The following TPR variants were observed in gnomAD, a reference collection of about 807,000 sequenced individuals.
The protein encoded by TPR is translocated promoter region, nuclear basket protein, also known as nucleoprotein TPR.
Under a neutral mutation model 316.1 loss-of-function variants are expected in TPR, and 51 were observed. The ratio of observed to expected loss-of-function variants is 0.16; its 90% CI spans 0.13 to 0.20. The LOEUF (loss-of-function observed/expected upper bound fraction) is 0.20, where lower values mean the gene tolerates loss of function less well. Ranked by LOEUF, TPR falls within the 10% of genes least tolerant of loss-of-function variation. TPR has a pLI of 1.00. For synonymous variants in TPR, 981 were observed against 914.7 expected (o/e 1.07, Z -1.31); for missense variants, 2,272 against 2,754.8 (o/e 0.82, Z 3.92).
At chr1:186,339,533 C>A in intron 30 of TPR, 109 bp downstream of exon 30, 1 of 916,814 alleles carries the variant, frequency 1.1e-6, no homozygotes, top group East Asian at 3.1e-5. Context: ...GGTGCTCTAG[C>A]ACTTTCCATT....
In TPR at chr1:186,374,973, T is replaced by C. The variant is rs751592913; in HGVS notation, c.56A>G (p.Lys19Arg). The C allele has an allele frequency of 9.3e-6, 15 of 1,614,124 alleles. No homozygotes were observed. In the South Asian group the frequency reaches 9.9e-5, roughly 11 times the overall value. ...CTTTTCAAGTTTGTTCTGGACAGACTTGGGCAGCTTGTTCAGCTCCGTGCG... is the reference window on the plus strand; with the variant it reads ...CTTTTCAAGTTTGTTCTGGACAGACCTGGGCAGCTTGTTCAGCTCCGTGCG... ...LERTELNKLPKSVQNKLEKFL... is the reference protein window; with the variant it reads ...LERTELNKLPRSVQNKLEKFL... The change falls in exon 1 of 51, where the codon AAG (lysine) becomes AGG (arginine). Residue 19 changes from lysine (K) to arginine (R), a missense_variant. Lys to Arg is a conservative substitution (Grantham distance 26, BLOSUM62 2). Coordinates refer to ENST00000367478, the MANE Select transcript of TPR (RefSeq NM_003292.3).
intron 49 of TPR, among the ~76,000 whole-genome samples, chr1:186,316,021 A>G (rs1657601885): frequency 6.6e-6 from 1 of 151,512 alleles, no homozygotes; most frequent in African/African-American, 2.4e-5. Context: ...AGATGGGGGA[A>G]GTACAGTTTT....
At position 186,347,208 on chromosome 1, in the gene TPR, C is replaced by T. The variant is rs1456759466; in HGVS notation, c.2943+84G>A. 1.5e-5 allele frequency: 22 copies of T among 1,448,388 alleles called. No individual in the cohort carries two copies. The Admixed American group carries it at 2.7e-4, about 18-fold the overall frequency. The allele number at this position is 1,448,388 out of a possible 1,614,324, so 89.7% of individuals were successfully genotyped here. ...GACCCTGGTCTAATTCATACGAGTG[C>T]CTTAAAAAAGCAGTCCTCTAGTTAC... is the stretch of plus-strand genomic sequence containing the variant. On this transcript the variant is annotated intron_variant, in intron 22 of 50. Transcript: ENST00000367478.
intron 18 of TPR, among the ~76,000 whole-genome samples, chr1:186,352,767 G>C (rs2101976589): frequency 6.6e-6 from 1 of 152,200 alleles, no homozygotes; most frequent in East Asian, 1.9e-4. Flanking sequence ...TAAGACATGG[G>C]TTCAAGTCCT....
intron 27 of TPR, 80 bp downstream of exon 27, chr1:186,343,246 A>G: frequency 6.7e-7 from 1 of 1,500,434 alleles, no homozygotes; most frequent in Non-Finnish European, 8.9e-7. Flanking sequence ...TAAATTTTAC[A>G]TTACGTTAAA....
At position 186,362,998 on chromosome 1, in the gene TPR, G is replaced by C; in HGVS notation, c.535C>G (p.Arg179Gly). The C allele has an allele frequency of 1.3e-6, 2 of 1,594,554 alleles. No individual in the cohort carries two copies. Among genetic ancestry groups the C allele is most frequent in the Non-Finnish European group, 1.7e-6 (2 of 1,175,816 alleles). Reference sequence around the variant, plus strand: ...TTTTCTTGCTCCAAGCGTTTTTCTCGATACTAAAGAAATCCAAGAAAATAA... The same window carrying C: ...TTTTCTTGCTCCAAGCGTTTTTCTCCATACTAAAGAAATCCAAGAAAATAA... ...LQASDVSVKY[R>G]EKRLEQEKEL... is the part of the protein sequence containing the mutation. The change falls in exon 6 of 51, where the codon CGA becomes GGA. Residue 179 changes from arginine (R) to glycine (G), a missense_variant. Arg to Gly is a moderately radical substitution (Grantham distance 125, BLOSUM62 -2). Around this residue, in one of 10 missense-constraint regions of TPR, gnomAD observed 549 missense variants for 598.6 expected, o/e 0.92. Transcript: ENST00000367478.
intron 34 of TPR, 45 bp downstream of exon 34, chr1:186,335,293 T>G (rs909554772): frequency 1.9e-6 from 3 of 1,602,398 alleles, no homozygotes; most frequent in Non-Finnish European, 2.6e-6. Context: ...AAGTAAAATG[T>G]ACAAAGAAAA....
At chr1:186,356,228 T>C in intron 15 of TPR, 58 bp downstream of exon 15, 1 of 1,444,674 alleles carries the variant, frequency 6.9e-7, no homozygotes, top group Non-Finnish European at 9.2e-7. Context: ...TGTTGCAAAA[T>C]TAATCCCTTA....
Position 186,351,363 on chromosome 1 carries a change from C to T in TPR, c.2577G>A (p.Val859=). ...SHLKKKLENE[V]EQRHTLTRNL... is the part of the protein sequence containing the mutation. ...TTCTAGTAAGTGTATGCCTTTGTTC[C>T]ACCTCATTTTCCAACTTCTTCTTTA... is the stretch of plus-strand genomic sequence containing the variant. The change falls in exon 20 of 51, where the codon GTG becomes GTA. Residue 859 remains valine (V), a synonymous_variant. Transcript: ENST00000367478. 6.2e-7 allele frequency: 1 copy of T among 1,612,164 alleles called. No individual in the cohort carries two copies. Among genetic ancestry groups the T allele is most frequent in the Non-Finnish European group, 8.5e-7 (1 of 1,179,178 alleles).
At chr1:186,333,535 AT>A in intron 36 of TPR, 141 bp from the exon 37 acceptor site, 1 of 998,796 alleles carries the variant, frequency 1.0e-6, no homozygotes, top group Non-Finnish European at 1.4e-6. Context: ...AAGGTAATGT[AT>A]TATGCATTTT....
intron 36 of TPR, among the ~76,000 whole-genome samples, chr1:186,333,829 A>AT (rs1267341411): frequency 6.6e-6 from 1 of 152,168 alleles, no homozygotes; most frequent in Non-Finnish European, 1.5e-5. Context: ...AATTTACTGA[A>AT]TTCTAACATT....
chr1:186,318,933 T>C (rs1291799581), intron 46 of TPR, 105 bp from the exon 47 acceptor site: 3 of 1,033,210 alleles, frequency 2.9e-6, no homozygotes, highest in Non-Finnish European at 4.3e-6. Context: ...TATACAACTT[T>C]ACTAAAGTCC....
rs530677087 is a variant in TPR, at chr1:186,374,905, G to T, written c.124C>A (p.Arg42=). The T allele has an allele frequency of 1.6e-5, 25 of 1,598,382 alleles. No homozygotes were observed. The African/African-American group carries it at 2.7e-4, about 17-fold the overall frequency. The stretch of plus-strand genomic sequence containing the variant: ...CTCTCCACCTTAAATTTCTCATGCC[G>T]CCCCTTCAGGCCATCGATCTCGGAT... The part of the protein sequence containing the change: ...QQSEIDGLKG[R]HEKFKVESEQ... The change falls in exon 1 of 51, where the codon CGG becomes AGG. Residue 42 remains arginine (R), a synonymous_variant. Coordinates refer to ENST00000367478, the MANE Select transcript of TPR (RefSeq NM_003292.3).
intron 39 of TPR, 106 bp from the exon 40 acceptor site, chr1:186,327,766 T>C (rs575385393): frequency 3.2e-5 from 31 of 958,774 alleles, no homozygotes; most frequent in African/African-American, 6.7e-5. Context: ...TGAGTACTTA[T>C]GGACTAGCAG....
At chr1:186,349,667 A>G (rs1304032780) in intron 21 of TPR, among the ~76,000 whole-genome samples, 3 of 150,574 alleles carry the variant, frequency 2.0e-5, no homozygotes, top group East Asian at 1.9e-4. Flanking sequence ...CTCAAAAAAA[A>G]AAAAAAAAAT....
intron 4 of TPR, among the ~76,000 whole-genome samples, chr1:186,366,521 G>T (rs1363843806): frequency 1.3e-5 from 2 of 152,080 alleles, no homozygotes; most frequent in East Asian, 1.9e-4. Flanking sequence ...TTTCAACTGT[G>T]GGGGGAATCA....
At chr1:186,371,625 A>G (rs1297593196) in intron 2 of TPR, among the ~76,000 whole-genome samples, 4 of 152,182 alleles carry the variant, frequency 2.6e-5, no homozygotes, top group African/African-American at 4.8e-5. Flanking sequence ...ACTAGAAAAA[A>G]TATAATTTTT....
intron 14 of TPR, 35 bp from the exon 15 acceptor site, chr1:186,356,484 A>T: frequency 1.3e-6 from 2 of 1,554,344 alleles, no homozygotes. Context: ...ACAGGACTGA[A>T]CTGAGAGTTA....
At chr1:186,367,813 GAGCACTAACTCCT>G in intron 4 of TPR, 60 bp downstream of exon 4, 1 of 1,045,700 alleles carries the variant, frequency 9.6e-7, no homozygotes. Context: ...GAAATGGGCT[GAGCACTAACTCCT>G]AGCACTAACA....
Sources: gnomAD v4.1 joint callset for allele counts (sites outside exome capture counted in the v4.1 genomes callset) on GRCh38, gnomAD v4.1.1 for gene constraint, gnomAD v4.1.1 regional missense constraint, MANE v1.5 for transcripts, NCBI Gene and HGNC (gene_info 2026-07-23, HGNC 2026-07-21) for gene names.